KCNIP4: variants seen among roughly 807,000 people sequenced by gnomAD.
KCNIP4 encodes the protein potassium voltage-gated channel interacting protein 4, also known as Kv channel-interacting protein 4.
KCNIP4 carries 12 observed loss-of-function variants against 34.0 expected under a neutral mutation model. The observed-to-expected ratio is 0.35, with a 90% CI of 0.23 to 0.57. KCNIP4 has a LOEUF of 0.57. KCNIP4 is among the 20% of genes least tolerant of loss of function. KCNIP4 has a pLI of 0.83. For synonymous variants in KCNIP4, 124 were observed against 102.2 expected, an observed-to-expected ratio of 1.21 and a Z score of -1.29; for missense variants, 238 against 311.7, an observed-to-expected ratio of 0.76 and a Z score of 1.78.
intron 1 of KCNIP4, among the ~76,000 whole-genome samples, chr4:21,272,312 T>C (rs1762202011): frequency 6.6e-6 from 1 of 152,062 alleles, no homozygotes; most frequent in East Asian, 1.9e-4. Flanking sequence ...ATATTAGAGT[T>C]GGCTATTATT....
At chr4:21,226,248 AG>A (rs1758378271) in intron 1 of KCNIP4, among the ~76,000 whole-genome samples, 2 of 24,530 alleles carry the variant, frequency 8.2e-5, no homozygotes, top group African/African-American at 9.8e-4. Flanking sequence ...GGAGGGGGGG[AG>A]GGAGGGAGGG....
At chr4:21,080,181 C>T (rs985663371) in intron 1 of KCNIP4, among the ~76,000 whole-genome samples, 1 of 151,752 alleles carries the variant, frequency 6.6e-6, no homozygotes, top group Non-Finnish European at 1.5e-5. Context: ...GGCTCCTCCA[C>T]CTCTCCAACT....
chr4:21,143,141 G>A (rs191910024), intron 1 of KCNIP4, among the ~76,000 whole-genome samples: 5 of 152,276 alleles, frequency 3.3e-5, no homozygotes, highest in Non-Finnish European at 5.9e-5. Flanking sequence ...AAGACATTTT[G>A]CAGACGTGAA....
At chr4:21,848,736 C>T (rs1724178851) in intron 1 of KCNIP4, 2 of 152,036 alleles carry the variant, frequency 1.3e-5, no homozygotes, top group African/African-American at 4.8e-5. Context: ...GCACCCACCT[C>T]GGGAGCACGA....
chr4:21,502,222 C>T (rs557312704), intron 1 of KCNIP4, among the ~76,000 whole-genome samples: 1 of 152,154 alleles, frequency 6.6e-6, no homozygotes, highest in Admixed American at 6.6e-5. Flanking sequence ...ACGGCACATT[C>T]ATCCCTATGT....
At chr4:21,197,857 CA>C (rs1756169465) in intron 1 of KCNIP4, among the ~76,000 whole-genome samples, 1 of 152,160 alleles carries the variant, frequency 6.6e-6, no homozygotes, top group African/African-American at 2.4e-5. Flanking sequence ...ACTTTGGACT[CA>C]GTTAGAACTA....
chr4:20,760,900 G>C (rs1445765251), intron 3 of KCNIP4, among the ~76,000 whole-genome samples: 2 of 152,184 alleles, frequency 1.3e-5, no homozygotes, highest in African/African-American at 2.4e-5. Context: ...TAACTTCTCT[G>C]GGCCATAGTG....
chr4:21,299,997 T>C (rs1312977893), intron 1 of KCNIP4, among the ~76,000 whole-genome samples: 5 of 152,166 alleles, frequency 3.3e-5, no homozygotes, highest in Non-Finnish European at 7.4e-5. Flanking sequence ...CCAGTTGATT[T>C]CTTTTTGTCT....
intron 1 of KCNIP4, among the ~76,000 whole-genome samples, chr4:21,202,833 G>A (rs1756584775): frequency 6.6e-6 from 1 of 152,156 alleles, no homozygotes; most frequent in African/African-American, 2.4e-5. Context: ...AGAAAACAAA[G>A]AGACAGAATC....
In KCNIP4 at chr4:20,967,833, G is replaced by T. The variant is rs553491713; in HGVS notation, c.62-85124C>A. ...ACCTAAAACCGTAAAAAACCTAGAA[G>T]AAAACCTAGGCAATACCATTCAGGA... On this transcript the variant is annotated intron_variant, in intron 1 of 8. Transcript: ENST00000382152. 2.0e-5 allele frequency among the ~76,000 whole-genome samples: 3 copies of T among 152,252 alleles called. No individual in the cohort carries two copies. The East Asian group carries it at 5.8e-4, about 29-fold the overall frequency.
At chr4:20,888,556 G>A (rs1577319531) in intron 1 of KCNIP4, among the ~76,000 whole-genome samples, 1 of 152,220 alleles carries the variant, frequency 6.6e-6, no homozygotes, top group South Asian at 2.1e-4. Context: ...CACACTAAAA[G>A]AAAGTTGATG....
At chr4:21,679,484 C>T (rs371689492) in intron 1 of KCNIP4, among the ~76,000 whole-genome samples, 22,137 of 41,492 alleles carry the variant, frequency 0.53, 1,742 homozygotes, top group African/African-American at 0.55. Context: ...CTTGGCTCTT[C>T]CTGAGGTCCA....
intron 1 of KCNIP4, among the ~76,000 whole-genome samples, chr4:21,675,710 T>C (rs1287884814): frequency 6.6e-6 from 1 of 152,168 alleles, no homozygotes; most frequent in Non-Finnish European, 1.5e-5. Context: ...TTATGAAAAG[T>C]AGAGAGTCAC....
At chr4:20,813,620 T>A (rs545090541) in intron 3 of KCNIP4, among the ~76,000 whole-genome samples, 1 of 152,158 alleles carries the variant, frequency 6.6e-6, no homozygotes, top group South Asian at 2.1e-4. Flanking sequence ...AATAATTAGA[T>A]CCTGAACTTC....
At chr4:21,650,021 C>A (rs1041205620) in intron 1 of KCNIP4, among the ~76,000 whole-genome samples, 1 of 152,186 alleles carries the variant, frequency 6.6e-6, no homozygotes, top group African/African-American at 2.4e-5. Flanking sequence ...GTGTGCCAGA[C>A]AAATGATCCT....
At chr4:21,078,949 C>T (rs146328275) in intron 1 of KCNIP4, among the ~76,000 whole-genome samples, 1 of 152,118 alleles carries the variant, frequency 6.6e-6, no homozygotes, top group African/African-American at 2.4e-5. Flanking sequence ...TCCTCTTTCA[C>T]TCCATGCTTT....
intron 1 of KCNIP4, among the ~76,000 whole-genome samples, chr4:21,094,308 C>T (rs1747276405): frequency 6.6e-6 from 1 of 152,092 alleles, no homozygotes; most frequent in African/African-American, 2.4e-5. Context: ...ATTACAACTT[C>T]CTCATACAAT....
chr4:21,475,987 T>C (rs1237144449), intron 1 of KCNIP4, among the ~76,000 whole-genome samples: 1 of 152,146 alleles, frequency 6.6e-6, no homozygotes, highest in African/African-American at 2.4e-5. Flanking sequence ...ACAGACTAGT[T>C]TTCTACAAAA....
intron 1 of KCNIP4, among the ~76,000 whole-genome samples, chr4:21,525,249 A>G (rs13134068): frequency 0.54 from 82,695 of 152,048 alleles, 22,996 homozygotes; most frequent in East Asian, 0.83. Flanking sequence ...TGCATAGTTT[A>G]TCTTTCCAAC....
Sources: allele counts gnomAD v4.1 joint callset (sites outside exome capture counted in the v4.1 genomes callset), GRCh38; gene constraint gnomAD v4.1.1; transcripts MANE v1.5; gene names NCBI Gene and HGNC (gene_info 2026-07-23, HGNC 2026-07-21).